The following HLA-DQB2 variants were observed in gnomAD, a reference collection of about 807,000 sequenced individuals.
The protein encoded by HLA-DQB2 is HLA class II histocompatibility antigen, DQ beta 2 chain.
Under a neutral mutation model 29.2 loss-of-function variants are expected in HLA-DQB2, and 24 were observed. The ratio of observed to expected loss-of-function variants is 0.82; its 90% CI spans 0.60 to 1.16. HLA-DQB2 has a LOEUF of 1.16. HLA-DQB2 is among the 50% of genes most tolerant of loss of function. The pLI is 0.00. For synonymous variants in HLA-DQB2, 104 were observed against 133.1 expected (o/e 0.78, Z 1.51); for missense variants, 273 against 343.6 (o/e 0.79, Z 1.62).
rs1369714921 is a variant in HLA-DQB2 at position 32,756,711 on chromosome 6, G to T, written c.782-245C>A. The T allele has an allele frequency of 3.9e-6, 5 of 1,281,368 alleles. No homozygotes were observed. In the South Asian group the frequency reaches 1.4e-4, roughly 36 times the overall value. The allele number at this position is 1,281,368 out of a possible 1,614,324, so 79.4% of individuals were successfully genotyped here. A position where few individuals can be genotyped will look rare whatever the true frequency, so the allele number is the denominator to read the frequency against. ...CCCTTCTGGGTAATATGAAGAGTTT[G>T]ATTTTTTTAGTAAATTGGGTGACAC... On this transcript the variant is annotated intron_variant, in intron 5 of 5. Transcript: ENST00000437316.
rs1424888790 is a variant in HLA-DQB2, at chr6:32,763,447, G to A, written c.24C>T (p.Gly8=). The A allele has an allele frequency of 1.9e-6, 3 of 1,559,530 alleles. No homozygotes were observed. The highest frequency in any genetic ancestry group is 2.6e-6 in the Non-Finnish European group (3 of 1,151,352). MALQIPG[G]FWAAAVTVML... ...TCACGGTCACAGCTGCTGCCCAAAA[G>A]CCTCCAGGGATCTGCAGAGCCATCT... The change falls in exon 1 of 6, where the codon GGC becomes GGT. Residue 8 remains glycine, a synonymous_variant. Coordinates refer to ENST00000437316, the MANE Select transcript of HLA-DQB2 (RefSeq NM_001300790.2).
chr6:32,757,866 C>T lies in HLA-DQB2; in HGVS notation c.664G>A (p.Ala222Thr). The change falls in exon 4 of 6, where the codon GCC (alanine) becomes ACC (threonine). Residue 222 changes from alanine (A) to threonine (T), a missense_variant. Transcript: ENST00000437316. ...TVEWRAQSES[A>T]QSKMLSGIGG... is the part of the protein sequence containing the mutation. ...ATGCCACTCAGCATCTTGCTCTGGG[C>T]AGATTCAGACTGAGCCCCTAAGGAG... 1.2e-6 allele frequency: 2 copies of T among 1,612,326 alleles called. No homozygotes were observed. Among genetic ancestry groups the T allele is most frequent in the Non-Finnish European group, 1.7e-6 (2 of 1,179,392 alleles).
At position 32,756,284 on chromosome 6, in the gene HLA-DQB2, A is replaced by G. The variant is rs9276558; in HGVS notation, c.*169T>C. 0.61 allele frequency: 395,034 copies of G among 647,824 alleles called. 122,852 individuals are homozygous for G. Among genetic ancestry groups the G allele is most frequent in the East Asian group, 0.75 (27,660 of 36,644 alleles). The allele number at this position is 647,824 out of a possible 1,614,324, so 40.1% of individuals were successfully genotyped here. Reference sequence around the variant, plus strand: ...GGTCAGTGCAGGAAGCAGAGTCACCACCAGTGCCTTGGGATGGGGATCACA... The same window carrying G: ...GGTCAGTGCAGGAAGCAGAGTCACCGCCAGTGCCTTGGGATGGGGATCACA... On this transcript the variant is annotated 3_prime_UTR_variant, in exon 6 of 6. Transcript: ENST00000437316.
chr6:32,756,660 A>G, intron 5 of HLA-DQB2, 194 bp from the exon 6 acceptor site: 2 of 1,382,842 alleles, frequency 1.4e-6, no homozygotes, highest in Non-Finnish European at 1.9e-6. Context: ...TGATGCAGAT[A>G]TGTGGAGGTG....
chr6:32,757,140 C>G (rs1236132587), intron 5 of HLA-DQB2, 141 bp downstream of exon 5: 1 of 1,477,602 alleles, frequency 6.8e-7, no homozygotes, highest in Non-Finnish European at 9.1e-7. Flanking sequence ...TTGCCTCAAC[C>G]TCCCAAGTAG....
At chr6:32,760,002 T>G (rs994287170) in intron 2 of HLA-DQB2, among the ~76,000 whole-genome samples, 1 of 152,024 alleles carries the variant, frequency 6.6e-6, no homozygotes, top group African/African-American at 2.4e-5. Flanking sequence ...GTCAGCTATG[T>G]GGGGACTTAC....
At position 32,756,372 on chromosome 6, in the gene HLA-DQB2, C is replaced by G; in HGVS notation, c.*81G>C. The G allele has an allele frequency of 2.3e-6, 2 of 885,096 alleles. No homozygotes were observed. Among genetic ancestry groups the G allele is most frequent in the Non-Finnish European group, 3.8e-6 (2 of 533,304 alleles). The allele number at this position is 885,096 out of a possible 1,614,324, so 54.8% of individuals were successfully genotyped here. ...CTGACCTCAGTGGGACAGGGTGACA[C>G]AGGCAGCTAGGAATTCTGGGCAGGG... On this transcript the variant is annotated 3_prime_UTR_variant, in exon 6 of 6. Transcript: ENST00000437316.
chr6:32,760,339 G>A (rs1390497260), intron 2 of HLA-DQB2, among the ~76,000 whole-genome samples: 2 of 152,188 alleles, frequency 1.3e-5, no homozygotes, highest in Non-Finnish European at 2.9e-5. Context: ...ACTTCCCTTA[G>A]GCTGTGTAGA....
chr6:32,757,164 T>G, intron 5 of HLA-DQB2, 117 bp downstream of exon 5: 1 of 1,504,270 alleles, frequency 6.6e-7, no homozygotes, highest in Non-Finnish European at 9.0e-7. Flanking sequence ...GGATTACAGA[T>G]GCACACCACC....
At chr6:32,763,330 G>T in intron 1 of HLA-DQB2, 44 bp downstream of exon 1, 1 of 1,162,052 alleles carries the variant, frequency 8.6e-7, no homozygotes. Flanking sequence ...AGGAGAGCCT[G>T]TTCCCACAGT....
chr6:32,760,692 T>C (rs1176555648), intron 2 of HLA-DQB2, among the ~76,000 whole-genome samples: 2 of 152,248 alleles, frequency 1.3e-5, no homozygotes, highest in African/African-American at 4.8e-5. Flanking sequence ...CTTCAATCTA[T>C]GTATTCCAAA....
At chr6:32,763,339 G>C (rs1428751520) in intron 1 of HLA-DQB2, 35 bp downstream of exon 1, 6 of 1,287,466 alleles carry the variant, frequency 4.7e-6, no homozygotes, top group Non-Finnish European at 6.6e-6. Flanking sequence ...TGTTCCCACA[G>C]TGGTGGCTCT....
rs1764523887 is a variant in HLA-DQB2 at position 32,758,978 on chromosome 6, GA to G, written c.517del (p.Ser173ProfsTer14). 6.2e-7 allele frequency: 1 copy of G among 1,614,234 alleles called. No homozygotes were observed. The highest frequency in any genetic ancestry group is 8.5e-7 in the Non-Finnish European group (1 of 1,180,034). ...GGTCCAGTCACCATTCCTAATGAGG[GA>G]GGTGGACACAACACCGGCTGTCTCC... is the stretch of plus-strand genomic sequence containing the variant. ...QEETAGVVSTSLIRNGDWTFQ... is the reference protein window; with the variant it reads ...QEETAGVVSTXLIRNGDWTFQ... On this transcript the variant is annotated frameshift_variant, in exon 3 of 6. Coordinates refer to ENST00000437316, the MANE Select transcript of HLA-DQB2 (RefSeq NM_001300790.2). LOFTEE classifies it high-confidence loss of function.
intron 1 of HLA-DQB2, 133 bp from the exon 2 acceptor site, chr6:32,762,059 T>A: frequency 8.1e-7 from 1 of 1,233,214 alleles, no homozygotes; most frequent in South Asian, 1.5e-5. Context: ...AATTGAGTTC[T>A]TGGCTGGGCC....
chr6:32,759,189 C>A, intron 2 of HLA-DQB2, 58 bp from the exon 3 acceptor site: 1 of 1,533,662 alleles, frequency 6.5e-7, no homozygotes, highest in Non-Finnish European at 8.9e-7. Flanking sequence ...CCACACAGCA[C>A]GCCTGCTGTG....
At chr6:32,757,111 C>T (rs1764324996) in intron 5 of HLA-DQB2, 170 bp downstream of exon 5, 2 of 1,443,364 alleles carry the variant, frequency 1.4e-6, no homozygotes, top group Non-Finnish European at 1.8e-6. Flanking sequence ...CCTCTGCCTC[C>T]TGGGTTCAAG....
chr6:32,762,244 C>T (rs1044552456), intron 1 of HLA-DQB2, among the ~76,000 whole-genome samples: 3 of 152,256 alleles, frequency 2.0e-5, no homozygotes, highest in Middle Eastern at 3.4e-3. Context: ...CAACATTGAC[C>T]TCTGCTCTTA....
intron 2 of HLA-DQB2, among the ~76,000 whole-genome samples, chr6:32,760,291 T>C (rs1465606310): frequency 6.6e-6 from 1 of 152,078 alleles, no homozygotes; most frequent in South Asian, 2.1e-4. Context: ...AATAGACCCA[T>C]TGCTGCTTCT....
chr6:32,758,658 C>G (rs1764487053), intron 3 of HLA-DQB2, among the ~76,000 whole-genome samples, 192 bp downstream of exon 3: 1 of 152,220 alleles, frequency 6.6e-6, no homozygotes, highest in Non-Finnish European at 1.5e-5. Context: ...AGTGATCTCC[C>G]TGGTATCTGG....
Sources: gnomAD v4.1 joint callset for allele counts (sites outside exome capture counted in the v4.1 genomes callset) on GRCh38, gnomAD v4.1.1 for gene constraint, MANE v1.5 for transcripts, NCBI Gene and HGNC (gene_info 2026-07-23, HGNC 2026-07-21) for gene names.